Variants in SLCO5A1 observed in about 807,000 individuals in gnomAD.
SLCO5A1 encodes organic anion transporter polypeptide-related protein 4.
Under a neutral mutation model 65.1 loss-of-function variants are expected in SLCO5A1, and 39 were observed. That is an observed-to-expected ratio of 0.60 (90% CI 0.46 to 0.78). The LOEUF is 0.78. SLCO5A1 is among the 30% of genes least tolerant of loss of function. The pLI is 0.00. For synonymous variants in SLCO5A1, 438 were observed against 415.7 expected, an observed-to-expected ratio of 1.05 and a Z score of -0.65; for missense variants, 1,029 against 1,069.4, an observed-to-expected ratio of 0.96 and a Z score of 0.53.
At chr8:69,704,347 T>G (rs574216141) in intron 6 of SLCO5A1, among the ~76,000 whole-genome samples, 1 of 152,214 alleles carries the variant, frequency 6.6e-6, no homozygotes, top group South Asian at 2.1e-4. Context: ...GATTAACATA[T>G]GTAAAGCACT....
chr8:69,782,989 G>A (rs1379017227), intron 2 of SLCO5A1, among the ~76,000 whole-genome samples: 14 of 152,108 alleles, frequency 9.2e-5, no homozygotes, highest in Admixed American at 7.2e-4. Flanking sequence ...CCCACTAGAT[G>A]TGCTTCCTCA....
chr8:69,692,376 A>G (rs548041977), intron 6 of SLCO5A1, among the ~76,000 whole-genome samples: 3 of 152,342 alleles, frequency 2.0e-5, no homozygotes, highest in African/African-American at 7.2e-5. Context: ...AGTGAATGTG[A>G]AGGCCTAGGA....
At chr8:69,824,443 A>G (rs1820781646) in intron 2 of SLCO5A1, among the ~76,000 whole-genome samples, 1 of 152,184 alleles carries the variant, frequency 6.6e-6, no homozygotes, top group African/African-American at 2.4e-5. Flanking sequence ...GATAAAGGGG[A>G]TATCACCACC....
chr8:69,737,511 T>A (rs556344076), intron 5 of SLCO5A1, among the ~76,000 whole-genome samples: 1 of 152,310 alleles, frequency 6.6e-6, no homozygotes, highest in Non-Finnish European at 1.5e-5. Context: ...CTAAGTACTA[T>A]GGGTATATGC....
At chr8:69,804,236 A>AT (rs1425517806) in intron 2 of SLCO5A1, among the ~76,000 whole-genome samples, 5 of 152,198 alleles carry the variant, frequency 3.3e-5, no homozygotes, top group African/African-American at 1.2e-4. Flanking sequence ...GAAGCAAGAC[A>AT]TTTTTGCTAA....
rs1236400339 is a variant in SLCO5A1, at chr8:69,670,709, G to A, written c.*2160C>T. 1.3e-5 allele frequency: 2 copies of A among 152,104 alleles called. No homozygotes were observed. The highest frequency in any genetic ancestry group is 4.8e-5 in the African/African-American group (2 of 41,392). The allele number at this position is 152,104 out of a possible 1,614,324, so 9.4% of individuals were successfully genotyped here. On this transcript the variant is annotated 3_prime_UTR_variant, in exon 10 of 10. Coordinates refer to ENST00000260126, the MANE Select transcript of SLCO5A1 (RefSeq NM_030958.3). ...GTTCATGGCAGCAAAGGGAGTAAGG[G>A]GGCTCTCTAACTACTCCGTGCTGAG...
At chr8:69,784,860 A>AAAGG (rs1554620858) in intron 2 of SLCO5A1, among the ~76,000 whole-genome samples, 24 of 141,086 alleles carry the variant, frequency 1.7e-4, no homozygotes, top group African/African-American at 5.1e-4. Context: ...AGAAAGAAAG[A>AAAGG]AAGGGAAGGA....
chr8:69,714,484 C>T (rs1016558744), intron 5 of SLCO5A1, among the ~76,000 whole-genome samples: 3 of 152,152 alleles, frequency 2.0e-5, no homozygotes, highest in Non-Finnish European at 4.4e-5. Flanking sequence ...GGGGATAGCT[C>T]GCCTGGCTCA....
chr8:69,681,906 C>T lies in SLCO5A1; in HGVS notation c.1782+278G>A, dbSNP rs944213712. 2.5e-4 allele frequency among the ~76,000 whole-genome samples: 38 copies of T among 152,068 alleles called. 1 individual carries two copies. Among genetic ancestry groups the T allele is most frequent in the Admixed American group, 2.2e-3 (34 of 15,278 alleles). On this transcript the variant is annotated intron_variant, in intron 7 of 9. Coordinates refer to ENST00000260126, the MANE Select transcript of SLCO5A1 (RefSeq NM_030958.3). The stretch of plus-strand genomic sequence containing the variant: ...AACAAATGGCAGGCCTAGAGCTCAA[C>T]CTTATCAAGTTTCACTGACTTGGCG...
intron 6 of SLCO5A1, among the ~76,000 whole-genome samples, chr8:69,693,202 C>T (rs2130800111): frequency 1.3e-5 from 2 of 152,322 alleles, no homozygotes; most frequent in South Asian, 4.1e-4. Context: ...TTTTCTTTGT[C>T]CATTCATCTG....
chr8:69,788,987 C>G (rs1458786599), intron 2 of SLCO5A1, among the ~76,000 whole-genome samples: 2 of 152,186 alleles, frequency 1.3e-5, no homozygotes, highest in African/African-American at 4.8e-5. Flanking sequence ...GGATACCACA[C>G]CCTGTGCTGA....
intron 2 of SLCO5A1, among the ~76,000 whole-genome samples, chr8:69,816,033 T>C (rs1047212682): frequency 1.3e-5 from 2 of 152,220 alleles, no homozygotes; most frequent in Non-Finnish European, 2.9e-5. Context: ...TCCATCCATA[T>C]ATTCAATACT....
chr8:69,833,563 A>G (rs549933901), intron 1 of SLCO5A1: 3 of 152,378 alleles, frequency 2.0e-5, no homozygotes, highest in South Asian at 4.1e-4. Flanking sequence ...AAAATGCCCA[A>G]AAGAACAAAG....
At chr8:69,800,913 C>G (rs1314365770) in intron 2 of SLCO5A1, among the ~76,000 whole-genome samples, 1 of 152,290 alleles carries the variant, frequency 6.6e-6, no homozygotes, top group East Asian at 1.9e-4. Context: ...TCACATGGCC[C>G]CATCCAACGC....
chr8:69,766,702 G>A (rs537498425), intron 2 of SLCO5A1, among the ~76,000 whole-genome samples: 131 of 152,116 alleles, frequency 8.6e-4, no homozygotes, highest in Non-Finnish European at 1.4e-3. Context: ...CCCTTTTCCC[G>A]CTTTATTTTT....
chr8:69,798,142 C>A (rs1420055137), intron 2 of SLCO5A1, among the ~76,000 whole-genome samples: 1 of 152,104 alleles, frequency 6.6e-6, no homozygotes, highest in Admixed American at 6.5e-5. Flanking sequence ...TGAATTTCAC[C>A]TGATATCTGG....
At chr8:69,741,425 G>A (rs569846775) in intron 4 of SLCO5A1, among the ~76,000 whole-genome samples, 30 of 152,200 alleles carry the variant, frequency 2.0e-4, no homozygotes, top group Non-Finnish European at 4.3e-4. Flanking sequence ...TGTACCCTCC[G>A]TAGGAGTGAA....
At position 69,668,985 on chromosome 8, in the gene SLCO5A1, A is replaced by G. The variant is rs144625267; in HGVS notation, c.*3884T>C. The G allele has an allele frequency of 3.3e-5, 5 of 152,324 alleles. No individual in the cohort carries two copies. The highest frequency in any genetic ancestry group is 1.2e-4 in the African/African-American group (5 of 41,564). The allele number at this position is 152,324 out of a possible 1,614,324, so 9.4% of individuals were successfully genotyped here. A position where few individuals can be genotyped will look rare whatever the true frequency, so the allele number is the denominator to read the frequency against. Reference sequence around the variant, plus strand: ...CTAATAGAGATGTTAATATTCTGAAAGAGGAAAATAAAAAAAAATACACTT... The same window carrying G: ...CTAATAGAGATGTTAATATTCTGAAGGAGGAAAATAAAAAAAAATACACTT... On this transcript the variant is annotated 3_prime_UTR_variant, in exon 10 of 10. Transcript: ENST00000260126.
intron 2 of SLCO5A1, among the ~76,000 whole-genome samples, chr8:69,776,677 G>A (rs1383106194): frequency 1.3e-5 from 2 of 152,018 alleles, no homozygotes; most frequent in African/African-American, 2.4e-5. Flanking sequence ...ACGACAGAGT[G>A]AGACCCTGTC....
Sources: allele counts gnomAD v4.1 joint callset (sites outside exome capture counted in the v4.1 genomes callset), GRCh38; gene constraint gnomAD v4.1.1; transcripts MANE v1.5; gene names NCBI Gene and HGNC (gene_info 2026-07-23, HGNC 2026-07-21).